MX1: variants seen among roughly 807,000 people sequenced by gnomAD.
The protein encoded by MX1 is MX dynamin like GTPase 1, also known as interferon-induced GTP-binding protein Mx1.
In MX1, 66 loss-of-function variants were observed where a neutral mutation model predicts 66.4. The observed-to-expected ratio is 0.99, with a 90% confidence interval of 0.82 to 1.22. The LOEUF is 1.22. Among genes scored for constraint, MX1 ranks in the 50% most tolerant of loss-of-function variants. The pLI is 0.00. For missense variants in MX1, 787 were observed against 834.3 expected, an observed-to-expected ratio of 0.94 and a Z score of 0.70; for synonymous variants, 311 against 318.1, an observed-to-expected ratio of 0.98 and a Z score of 0.24.
At chr21:41,436,932 A>G in intron 6 of MX1, 83 bp from the exon 7 acceptor site, 1 of 1,523,472 alleles carries the variant, frequency 6.6e-7, no homozygotes, top group Non-Finnish European at 8.9e-7. Context: ...TGATTGTATA[A>G]AAGTTTGAGA....
At chr21:41,436,814 G>C (rs773791841) in intron 6 of MX1, among the ~76,000 whole-genome samples, 3 of 152,148 alleles carry the variant, frequency 2.0e-5, no homozygotes, top group African/African-American at 7.2e-5. Context: ...ACTCACCTGG[G>C]TTACATACTC....
chr21:41,437,251 A>G (rs979061924), intron 7 of MX1, 99 bp downstream of exon 7: 4 of 1,377,286 alleles, frequency 2.9e-6, no homozygotes, highest in South Asian at 2.6e-5. Flanking sequence ...CTGTGCTGTC[A>G]GGACACCTTT....
chr21:41,458,936 G>A lies in MX1; in HGVS notation c.*178G>A. ...AGAGCAGTTTGGTTTCTAGCATGAAGACAGAGCCCCACCCTCAGATGCACA... is the reference window on the plus strand; with the variant it reads ...AGAGCAGTTTGGTTTCTAGCATGAAAACAGAGCCCCACCCTCAGATGCACA... On this transcript the variant is annotated 3_prime_UTR_variant, in exon 17 of 17. Transcript: ENST00000398598. 8.9e-7 allele frequency: 1 copy of A among 1,126,096 alleles called. No individual in the cohort carries two copies. The highest frequency in any genetic ancestry group is 1.2e-6 in the Non-Finnish European group (1 of 817,896). 69.8% of individuals were successfully genotyped at this position (1,126,096 alleles called of 1,614,324 possible).
rs2090633342 is a variant in MX1, at chr21:41,445,455, T to A, written c.1016T>A (p.Leu339Gln). The A allele has an allele frequency of 6.2e-7, 1 of 1,614,062 alleles. No individual in the cohort carries two copies. Among genetic ancestry groups the A allele is most frequent in the Non-Finnish European group, 8.5e-7 (1 of 1,179,928 alleles). ...TCTCTCCATTTTCCTCAGAAATCTC[T>A]GCCCCTGTTAGAAAATCAAATCAAG... ...SELITHICKS[L>Q]PLLENQIKET... Residue 339 changes from leucine (L) to glutamine (Q), a missense_variant, in exon 12 of 17, where the codon CTG (leucine) becomes CAG (glutamine). By Grantham distance (113) the Leu-to-Gln change is moderately radical (BLOSUM62 -2). Coordinates refer to ENST00000398598, the MANE Select transcript of MX1 (RefSeq NM_002462.5).
At chr21:41,438,447 G>C (rs1038677549) in intron 7 of MX1, among the ~76,000 whole-genome samples, 1 of 152,118 alleles carries the variant, frequency 6.6e-6, no homozygotes, top group Admixed American at 6.5e-5. Flanking sequence ...TGGCTGGAGT[G>C]ACCGGGCCTT....
At position 41,448,960 on chromosome 21, in the gene MX1, G is replaced by GCC. The variant is rs781568268; in HGVS notation, c.1274-177_1274-176insCC. On this transcript the variant is annotated intron_variant, in intron 13 of 16. Coordinates refer to ENST00000398598, the MANE Select transcript of MX1 (RefSeq NM_002462.5). ...TGTGTGTGTGTGTGTGTGTGTGTGT[G>GCC]TGTGTGTGTGTGTGTGTGTAATCCC... Among the ~76,000 whole-genome samples the GCC allele has an allele frequency of 5.4e-3, 477 of 88,808 alleles. 4 individuals are homozygous for GCC. Among genetic ancestry groups the GCC allele is most frequent in the East Asian group, 0.037 (128 of 3,444 alleles). The allele number at this position is 88,808 out of a possible 152,430, so 58.3% of individuals were successfully genotyped here.
In MX1 at chr21:41,435,953, C is replaced by T. The variant is rs200861936; in HGVS notation, c.222C>T (p.Ala74=). ...VEQDLALPAI[A]VIGDQSSGKS... ...AGGACCTGGCCCTGCCAGCCATCGCCGTCATCGGGGACCAGAGCTCGGGCA... is the reference window on the plus strand; with the variant it reads ...AGGACCTGGCCCTGCCAGCCATCGCTGTCATCGGGGACCAGAGCTCGGGCA... Residue 74 remains alanine (A), a synonymous_variant, in exon 6 of 17, where the codon GCC becomes GCT. Coordinates refer to ENST00000398598, the MANE Select transcript of MX1 (RefSeq NM_002462.5). 1.1e-4 allele frequency: 183 copies of T among 1,614,102 alleles called. No individual in the cohort carries two copies. The highest frequency in any genetic ancestry group is 7.1e-4 in the South Asian group (65 of 91,092).
intron 14 of MX1, 150 bp from the exon 15 acceptor site, chr21:41,451,017 G>A (rs1434197214): frequency 1.9e-6 from 1 of 535,988 alleles, no homozygotes; most frequent in South Asian, 3.1e-5. Flanking sequence ...AGCAAAAAGA[G>A]CATGCCTTGC....
chr21:41,438,091 A>G (rs2090413517), intron 7 of MX1, among the ~76,000 whole-genome samples: 1 of 152,244 alleles, frequency 6.6e-6, no homozygotes. Flanking sequence ...TCACATGTTT[A>G]AGTTTCATTC....
intron 10 of MX1, 105 bp from the exon 11 acceptor site, chr21:41,443,683 G>A: frequency 1.1e-5 from 11 of 978,482 alleles, no homozygotes; most frequent in Non-Finnish European, 1.6e-5. Flanking sequence ...ATTCCATCCA[G>A]TTGTAAGCAA....
chr21:41,445,483 G>A lies in MX1; in HGVS notation c.1044G>A (p.Glu348=). The A allele has an allele frequency of 6.2e-7, 1 of 1,614,048 alleles. No homozygotes were observed. The highest frequency in any genetic ancestry group is 1.1e-5 in the South Asian group (1 of 91,076). ...CCCTGTTAGAAAATCAAATCAAGGA[G>A]ACTCACCAGAGAATAACAGAGGAGC... ...SLPLLENQIK[E]THQRITEELQ... Residue 348 remains glutamate, a synonymous_variant, in exon 12 of 17, where the codon GAG becomes GAA. Transcript: ENST00000398598.
chr21:41,436,660 A>G (rs2090370944), intron 6 of MX1, among the ~76,000 whole-genome samples: 2 of 151,998 alleles, frequency 1.3e-5, no homozygotes, highest in African/African-American at 4.8e-5. Flanking sequence ...ATGGGGGTAG[A>G]GTGTGTATGC....
At chr21:41,432,428 A>C (rs1025763546) in intron 5 of MX1, among the ~76,000 whole-genome samples, 1 of 152,210 alleles carries the variant, frequency 6.6e-6, no homozygotes, top group African/African-American at 2.4e-5. Context: ...CAGCTCATCT[A>C]TACTAGAAGG....
intron 16 of MX1, among the ~76,000 whole-genome samples, chr21:41,456,609 G>A (rs1364419493): frequency 6.6e-6 from 1 of 152,134 alleles, no homozygotes; most frequent in Non-Finnish European, 1.5e-5. Flanking sequence ...GGAATCACTG[G>A]GGACTCGAGC....
intron 7 of MX1, among the ~76,000 whole-genome samples, chr21:41,439,151 AAGAGT>A (rs113340440): frequency 0.14 from 21,054 of 151,324 alleles, 2,641 homozygotes; most frequent in African/African-American, 0.32. Context: ...AGATTTAGAA[AAGAGT>A]AAAGTGGTGT....
At chr21:41,421,302 T>G (rs1002416329), upstream of MX1, 2 of 152,256 alleles carry the variant, frequency 1.3e-5, no homozygotes, top group African/African-American at 4.8e-5. Context: ...CAATCGGGTT[T>G]TATACCGAGA....
intron 15 of MX1, among the ~76,000 whole-genome samples, chr21:41,452,219 G>GAACATAA (rs2090850594): frequency 6.6e-6 from 1 of 152,172 alleles, no homozygotes; most frequent in Admixed American, 6.5e-5. Context: ...TAAACCCCGG[G>GAACATAA]AACATAAAAC....
At chr21:41,421,856 G>A (rs1196081237), upstream of MX1, 1 of 133,590 alleles carries the variant, frequency 7.5e-6, no homozygotes, top group Non-Finnish European at 1.6e-5. Context: ...GTCCACCTGG[G>A]CCTGGAGCAG....
intron 16 of MX1, among the ~76,000 whole-genome samples, chr21:41,457,881 A>G (rs2090995427): frequency 2.0e-5 from 3 of 152,292 alleles, no homozygotes; most frequent in South Asian, 4.1e-4. Flanking sequence ...CCTGACAGCT[A>G]CCATCCTACT....
Sources: allele counts gnomAD v4.1 joint callset (sites outside exome capture counted in the v4.1 genomes callset), GRCh38; gene constraint gnomAD v4.1.1; transcripts MANE v1.5; gene names NCBI Gene and HGNC (gene_info 2026-07-23, HGNC 2026-07-21).